The following ZNF334 variants were observed in gnomAD, a reference collection of about 807,000 sequenced individuals.
The protein encoded by ZNF334 is zinc finger protein 334.
In ZNF334, 14 loss-of-function variants were observed where a neutral mutation model predicts 12.4. The ratio of observed to expected loss-of-function variants is 1.13; its 90% confidence interval spans 0.74 to 1.76. The LOEUF is 1.76. Ranked by LOEUF, ZNF334 falls within the 40% of genes most tolerant of loss-of-function variation. ZNF334 has a pLI of 0.00. For synonymous variants in ZNF334, 273 were observed against 269.6 expected, an observed-to-expected ratio of 1.01 and a Z score of -0.12; for missense variants, 797 against 804.5, an observed-to-expected ratio of 0.99 and a Z score of 0.11.
At chr20:46,503,370 T>G (rs2145955053) in intron 4 of ZNF334, among the ~76,000 whole-genome samples, 1 of 152,338 alleles carries the variant, frequency 6.6e-6, no homozygotes, top group Non-Finnish European at 1.5e-5. Flanking sequence ...CCTTTGACAC[T>G]TTACAAATAC....
the ZNF334 span, among the ~76,000 whole-genome samples, chr20:46,480,596 A>G: frequency 6.6e-6 from 1 of 152,204 alleles, no homozygotes; most frequent in Non-Finnish European, 1.5e-5. Flanking sequence ...GGGAATTTTC[A>G]GCCTAAGCCT....
At chr20:46,465,548 A>G in the ZNF334 span, among the ~76,000 whole-genome samples, 1 of 152,114 alleles carries the variant, frequency 6.6e-6, no homozygotes, top group African/African-American at 2.4e-5. Flanking sequence ...ACCAAAACAA[A>G]CAAACAAACA....
chr20:46,486,854 CCTT>C, the ZNF334 span, among the ~76,000 whole-genome samples: 1 of 152,048 alleles, frequency 6.6e-6, no homozygotes, highest in Non-Finnish European at 1.5e-5. Flanking sequence ...AGTTTTGTCT[CCTT>C]GTTTTAATTC....
chr20:46,504,614 C>T lies in ZNF334; in HGVS notation c.148G>A (p.Gly50Arg). The T allele has an allele frequency of 6.3e-7, 1 of 1,595,450 alleles. No homozygotes were observed. Among genetic ancestry groups the T allele is most frequent in the Non-Finnish European group, 8.5e-7 (1 of 1,173,610 alleles). The change falls in exon 3 of 5, where the codon GGG (glycine) becomes AGG (arginine). Residue 50 changes from glycine (G) to arginine (R), a missense_variant and splice_region_variant. Transcript: ENST00000692313. Reference protein sequence around the residue: ...LENYSNLVSVGYHVSKPDVIF... With the variant: ...LENYSNLVSVRYHVSKPDVIF... ...AGTTGTACAGGGAAATAGTCCTTAC[C>T]CACAGAGACCAAGTTGCTGTAGTTC... is the stretch of plus-strand genomic sequence containing the variant.
At chr20:46,507,589 G>A (rs1053204551) in intron 2 of ZNF334, among the ~76,000 whole-genome samples, 10 of 152,122 alleles carry the variant, frequency 6.6e-5, no homozygotes, top group Non-Finnish European at 4.4e-5. Context: ...CTCATTCTTC[G>A]TATTTAAAAA....
At chr20:46,464,105 A>G in the ZNF334 span, 1 of 597,312 alleles carries the variant, frequency 1.7e-6, no homozygotes, top group Non-Finnish European at 3.3e-6. Flanking sequence ...CACTGGGCCC[A>G]GTATCTGTTT....
the ZNF334 span, among the ~76,000 whole-genome samples, chr20:46,493,429 TAGGAG>T: frequency 1.3e-5 from 2 of 152,112 alleles, no homozygotes; most frequent in African/African-American, 4.8e-5. Flanking sequence ...GGTAAAGAGT[TAGGAG>T]GGGTAACATG....
chr20:46,484,473 T>C, the ZNF334 span: 2 of 167,054 alleles, frequency 1.2e-5, no homozygotes, highest in Non-Finnish European at 2.9e-5. Context: ...GTTGGTGAGA[T>C]TTAGAGATGT....
chr20:46,489,147 G>A, the ZNF334 span, among the ~76,000 whole-genome samples: 1 of 151,432 alleles, frequency 6.6e-6, no homozygotes, highest in Admixed American at 6.6e-5. Flanking sequence ...CTATTTCAGA[G>A]ACTCTAGTTG....
chr20:46,469,826 G>A, the ZNF334 span, among the ~76,000 whole-genome samples: 8 of 152,034 alleles, frequency 5.3e-5, no homozygotes, highest in East Asian at 3.9e-4. Flanking sequence ...TCATTGGCTC[G>A]CCTTCAGGGT....
In ZNF334 at chr20:46,512,778, T is replaced by A. The variant is rs1339117228; in HGVS notation, c.-277A>T. ...GTTATTGGATCTGTCACTAGCAAAC[T>A]GCATTACTGAAAAAAATATTTACTA... On this transcript the variant is annotated 5_prime_UTR_variant, in exon 1 of 5. Transcript: ENST00000692313. The A allele has an allele frequency of 6.6e-6, 1 of 152,264 alleles. No homozygotes were observed. The highest frequency in any genetic ancestry group is 2.4e-5 in the African/African-American group (1 of 41,470). The allele number at this position is 152,264 out of a possible 1,614,324, so 9.4% of individuals were successfully genotyped here. A position where few individuals can be genotyped will look rare whatever the true frequency, so the allele number is the denominator to read the frequency against.
At chr20:46,508,601 A>G (rs775657694) in intron 2 of ZNF334, among the ~76,000 whole-genome samples, 1 of 152,212 alleles carries the variant, frequency 6.6e-6, no homozygotes, top group African/African-American at 2.4e-5. Context: ...GAGGGGCTCA[A>G]TGTGGGTGGT....
At chr20:46,477,614 G>A in the ZNF334 span, among the ~76,000 whole-genome samples, 3 of 152,230 alleles carry the variant, frequency 2.0e-5, no homozygotes, top group African/African-American at 7.2e-5. Context: ...TAGGATTACA[G>A]GTATGAGCCG....
At chr20:46,462,824 AG>A in the ZNF334 span, among the ~76,000 whole-genome samples, 4 of 152,256 alleles carry the variant, frequency 2.6e-5, no homozygotes, top group Non-Finnish European at 5.9e-5. Context: ...GCATCTATGC[AG>A]GGATGAGAGG....
At chr20:46,485,299 G>A in the ZNF334 span, among the ~76,000 whole-genome samples, 3 of 152,098 alleles carry the variant, frequency 2.0e-5, no homozygotes, top group South Asian at 2.1e-4. Context: ...GACAGTAAAC[G>A]GTGTGCTGGG....
At chr20:46,481,119 G>A in the ZNF334 span, 1 of 152,224 alleles carries the variant, frequency 6.6e-6, no homozygotes, top group African/African-American at 2.4e-5. Context: ...CCTGAGAACA[G>A]GAGGTGAAGA....
Position 46,502,705 on chromosome 20 carries a change from T to C in ZNF334, c.634A>G (p.Asn212Asp). Residue 212 changes from asparagine (N) to aspartate (D), a missense_variant, in exon 5 of 5, where the codon AAT becomes GAT. Transcript: ENST00000692313. ...IQILKQPFDY[N>D]KCGKTFFKRA... ...TTGAAGAAGGTTTTCCCACATTTAT[T>C]ATAGTCAAACGGTTGTTTCAAAATC... The C allele has an allele frequency of 1.2e-6, 2 of 1,613,394 alleles. No homozygotes were observed. The highest frequency in any genetic ancestry group is 2.2e-5 in the South Asian group (2 of 91,076).
At chr20:46,503,807 C>A (rs150322735) in intron 4 of ZNF334, among the ~76,000 whole-genome samples, 189 of 152,170 alleles carry the variant, frequency 1.2e-3, no homozygotes, top group African/African-American at 4.3e-3. Flanking sequence ...AAAGGGAAAC[C>A]GTGTTATTTC....
At chr20:46,486,269 C>T in the ZNF334 span, among the ~76,000 whole-genome samples, 416 of 152,214 alleles carry the variant, frequency 2.7e-3, 2 homozygotes, top group Non-Finnish European at 4.9e-3. Context: ...TGTTAAATAG[C>T]TGGGTGTGGT....
Sources: gnomAD v4.1 joint callset for allele counts (sites outside exome capture counted in the v4.1 genomes callset) on GRCh38, gnomAD v4.1.1 for gene constraint, MANE v1.5 for transcripts, NCBI Gene and HGNC (gene_info 2026-07-23, HGNC 2026-07-21) for gene names.